The following ERICH1 variants were observed in gnomAD, a reference collection of about 807,000 sequenced individuals.
ERICH1 encodes glutamate-rich protein 1.
Under a neutral mutation model 39.6 loss-of-function variants are expected in ERICH1, and 56 were observed. That is an observed-to-expected ratio of 1.41 (90% CI 1.14 to 1.77). ERICH1 has a LOEUF of 1.77. ERICH1 is among the 40% of genes most tolerant of loss of function. The pLI, the probability that ERICH1 is intolerant of heterozygous loss-of-function variation, is 0.00. For missense variants in ERICH1, 826 were observed against 575.4 expected (o/e 1.44, Z -4.45); for synonymous variants, 313 against 223.6 (o/e 1.40, Z -3.57).
intron 2 of ERICH1, among the ~76,000 whole-genome samples, chr8:698,326 C>G (rs1366073492): frequency 2.0e-5 from 3 of 151,922 alleles, no homozygotes; most frequent in Admixed American, 1.3e-4. Flanking sequence ...TCCAGCGACT[C>G]TCATTCCTCA....
intron 1 of ERICH1, among the ~76,000 whole-genome samples, chr8:730,248 G>A (rs571674037): frequency 2.8e-4 from 42 of 152,208 alleles, no homozygotes; most frequent in Non-Finnish European, 5.7e-4. Flanking sequence ...CGTGCAGTGT[G>A]TCCCTGAAAA....
chr8:718,377 A>G (rs1037914097), intron 1 of ERICH1, among the ~76,000 whole-genome samples: 1 of 152,230 alleles, frequency 6.6e-6, no homozygotes, highest in Non-Finnish European at 1.5e-5. Flanking sequence ...GCCTTAAAAA[A>G]AAAGAAAGGT....
At chr8:640,763 A>G (rs1039553152) in intron 3 of ERICH1, 99 of 152,210 alleles carry the variant, frequency 6.5e-4, no homozygotes, top group African/African-American at 2.3e-3. Context: ...ATGGACCTGG[A>G]ATACTTTTCC....
At chr8:706,092 AGCAACAG>A (rs561978027) in intron 2 of ERICH1, among the ~76,000 whole-genome samples, 275 of 152,336 alleles carry the variant, frequency 1.8e-3, no homozygotes, top group African/African-American at 6.2e-3. Context: ...GCAGCCTGGG[AGCAACAG>A]GCTGTGCCAC....
intron 3 of ERICH1, among the ~76,000 whole-genome samples, chr8:656,265 C>T (rs999722187): frequency 1.3e-5 from 2 of 152,160 alleles, no homozygotes; most frequent in African/African-American, 2.4e-5. Flanking sequence ...GCAGCTGGAT[C>T]CCCCCTGCAA....
At chr8:691,467 G>A (rs1415323503) in intron 3 of ERICH1, among the ~76,000 whole-genome samples, 6 of 152,248 alleles carry the variant, frequency 3.9e-5, no homozygotes, top group Non-Finnish European at 8.8e-5. Flanking sequence ...ACAACGGGGC[G>A]AGAGCGCCAA....
At chr8:642,487 G>C (rs1799120397) in intron 3 of ERICH1, among the ~76,000 whole-genome samples, 1 of 151,874 alleles carries the variant, frequency 6.6e-6, no homozygotes. Flanking sequence ...TGGGACTACA[G>C]GCACCAGCCA....
chr8:731,098 G>C lies in ERICH1; in HGVS notation c.22+42C>G, dbSNP rs145859182. 37 of 1,429,456 alleles carry C rather than the reference G, an allele frequency of 2.6e-5. No homozygotes were observed. The East Asian group carries it at 9.8e-4, about 38-fold the overall frequency. 88.5% of individuals were successfully genotyped at this position (1,429,456 alleles called of 1,614,324 possible). ...AACACCGCGGTCTGAGCCGAGAGCC[G>C]GGTCTGGGGTCTGGGCAGGCCTCCG... On this transcript the variant is annotated intron_variant, in intron 1 of 5. Transcript: ENST00000262109.
At chr8:661,138 C>A (rs187672649), downstream of ERICH1, among the ~76,000 whole-genome samples, 37 of 152,284 alleles carry the variant, frequency 2.4e-4, no homozygotes, top group African/African-American at 8.2e-4. Context: ...CGAGGCGGGG[C>A]AGATGCATGC....
intron 3 of ERICH1, 38 bp from the exon 4 acceptor site, chr8:674,085 A>G: frequency 1.3e-6 from 2 of 1,502,194 alleles, no homozygotes; most frequent in Non-Finnish European, 1.8e-6. Context: ...TTTCAGTACA[A>G]TGAAACCATA....
rs1464715688 is a variant in ERICH1, at chr8:656,982, T to C, written c.976+11616A>G. The C allele has an allele frequency of 9.0e-6, 3 of 333,358 alleles. No homozygotes were observed. In the East Asian group the frequency reaches 4.9e-4, roughly 55 times the overall value. 20.7% of individuals were successfully genotyped at this position (333,358 alleles called of 1,614,324 possible). Reference sequence around the variant, plus strand: ...AATAATTTTTAAGAGCAAACAATTTTACTATTACTTAGCAAATGTTTAATA... The same window carrying C: ...AATAATTTTTAAGAGCAAACAATTTCACTATTACTTAGCAAATGTTTAATA... On this transcript the variant is annotated intron_variant, in intron 3 of 3. Coordinates refer to the ERICH1 transcript ENST00000522706.
At chr8:628,810 C>A (rs57165079) in intron 3 of ERICH1, among the ~76,000 whole-genome samples, 2,377 of 152,244 alleles carry the variant, frequency 0.016, 56 homozygotes, top group African/African-American at 0.054. Flanking sequence ...CTTTCATGAA[C>A]GTTTCCTCGG....
chr8:688,816 T>C (rs373073873), intron 3 of ERICH1, among the ~76,000 whole-genome samples: 1 of 152,218 alleles, frequency 6.6e-6, no homozygotes, highest in East Asian at 1.9e-4. Flanking sequence ...CGATGGGAAA[T>C]CTCTCTCTTA....
intron 2 of ERICH1, among the ~76,000 whole-genome samples, chr8:715,370 T>A (rs1165635162): frequency 1.3e-5 from 2 of 152,118 alleles, no homozygotes. Context: ...CCAGAGCTGA[T>A]GGGACTCTCA....
intron 2 of ERICH1, among the ~76,000 whole-genome samples, chr8:694,789 G>A (rs535681957): frequency 6.6e-6 from 1 of 152,186 alleles, no homozygotes; most frequent in South Asian, 2.1e-4. Context: ...CAAGTTGAAC[G>A]TTACATGTCT....
At chr8:683,101 A>T (rs895459222) in intron 3 of ERICH1, among the ~76,000 whole-genome samples, 7 of 152,200 alleles carry the variant, frequency 4.6e-5, no homozygotes, top group Non-Finnish European at 1.5e-5. Context: ...GAAACACTGG[A>T]GTCTCACAGA....
intron 3 of ERICH1, among the ~76,000 whole-genome samples, chr8:690,063 G>A (rs1585336448): frequency 6.6e-6 from 1 of 152,178 alleles, no homozygotes; most frequent in African/African-American, 2.4e-5. Context: ...ACTGGCTTCT[G>A]GAGAGCAAGA....
chr8:720,701 C>T (rs766395058), intron 1 of ERICH1, among the ~76,000 whole-genome samples: 2 of 152,102 alleles, frequency 1.3e-5, no homozygotes, highest in Non-Finnish European at 2.9e-5. Flanking sequence ...TAAACTAAAG[C>T]AAAAAGAAAA....
intron 2 of ERICH1, among the ~76,000 whole-genome samples, chr8:708,130 T>A (rs533021760): frequency 5.4e-5 from 8 of 147,062 alleles, no homozygotes; most frequent in African/African-American, 7.5e-5. Flanking sequence ...AAAAAAAAAA[T>A]AGAAAATAAG....
Sources: allele counts gnomAD v4.1 joint callset (sites outside exome capture counted in the v4.1 genomes callset), GRCh38; gene constraint gnomAD v4.1.1; transcripts MANE v1.5; gene names NCBI Gene and HGNC (gene_info 2026-07-23, HGNC 2026-07-21).